The following NOS1 variants were observed in gnomAD, a reference collection of about 807,000 sequenced individuals.
NOS1 encodes NOS type I.
Under a neutral mutation model 164.5 loss-of-function variants are expected in NOS1, and 51 were observed. The ratio of observed to expected loss-of-function variants is 0.31; its 90% CI spans 0.25 to 0.39. The LOEUF (loss-of-function observed/expected upper bound fraction) is 0.39, where lower values mean the gene tolerates loss of function less well. NOS1 is among the 10% of genes least tolerant of loss of function. The probability of loss-of-function intolerance (pLI) is 1.00; values close to 1 mark genes in which losing one functional copy is unlikely to be tolerated. For synonymous variants in NOS1, 719 were observed against 745.8 expected (o/e 0.96, Z 0.59); for missense variants, 1,362 against 1,885.6 (o/e 0.72, Z 5.14).
intron 1 of NOS1, among the ~76,000 whole-genome samples, chr12:117,343,563 T>G (rs1178749259): frequency 6.6e-6 from 1 of 152,184 alleles, no homozygotes; most frequent in Non-Finnish European, 1.5e-5. Flanking sequence ...GAAACAGTAA[T>G]AACAACTAGT....
At position 117,209,921 on chromosome 12, in the gene NOS1, C is replaced by A. The variant is rs552181216; in HGVS notation, c.*5388G>T. The A allele has an allele frequency of 4.6e-5, 45 of 985,496 alleles. No homozygotes were observed. Among genetic ancestry groups the A allele is most frequent in the Admixed American group, 6.1e-5 (1 of 16,278 alleles). The allele number at this position is 985,496 out of a possible 1,614,324, so 61.0% of individuals were successfully genotyped here. A position where few individuals can be genotyped will look rare whatever the true frequency, so the allele number is the denominator to read the frequency against. ...ATGTTGACTCCCTGGGAGGCAGGCCCCTTCCCTCAGACCCTCAGACCTGTG... is the reference window on the plus strand; with the variant it reads ...ATGTTGACTCCCTGGGAGGCAGGCCACTTCCCTCAGACCCTCAGACCTGTG... On this transcript the variant is annotated 3_prime_UTR_variant, in exon 29 of 29. Transcript: ENST00000317775.
rs1029861467 is a variant in NOS1, at chr12:117,263,916, C to T, written c.2195G>A (p.Arg732Gln). 2 of 1,613,918 alleles carry T rather than the reference C, an allele frequency of 1.2e-6. No homozygotes were observed. The change falls in exon 13 of 29, where the codon CGA becomes CAA. Residue 732 changes from arginine to glutamine, a missense_variant. Around this residue, in one of 4 missense-constraint regions of NOS1, gnomAD observed 737 missense variants for 1,030.3 expected, o/e 0.72. Coordinates refer to ENST00000317775, the MANE Select transcript of NOS1 (RefSeq NM_000620.5). The part of the protein sequence containing the change: ...KGTNGTPTKR[R>Q]AIGFKKLAEA... ...TGCTAGCTTCTTGAAGCCAATGGCT[C>T]GCCGCTTTGTGGGGGTCCCGTTGGT...
Position 117,260,622 on chromosome 12 carries a change from G to A in NOS1, c.2223-13C>T. The A allele has an allele frequency of 6.2e-7, 1 of 1,604,762 alleles. No homozygotes were observed. Among genetic ancestry groups the A allele is most frequent in the South Asian group, 1.1e-5 (1 of 90,666 alleles). ...GAACTTGACAGCTCTGGAGGGAAGA[G>A]GATGGAGATGAAAAATGGGCAACAG... is the stretch of plus-strand genomic sequence containing the variant. On this transcript the variant is annotated splice_polypyrimidine_tract_variant and intron_variant, in intron 13 of 28. Transcript: ENST00000317775.
At position 117,209,659 on chromosome 12, in the gene NOS1, C is replaced by T. The variant is rs1031347852; in HGVS notation, c.*5650G>A. ...AAGGCATATTGACAGCTGACCACCT[C>T]CCTCGCACATGGCTTTGATAAGTAT... is the stretch of plus-strand genomic sequence containing the variant. On this transcript the variant is annotated 3_prime_UTR_variant, in exon 29 of 29. Coordinates refer to ENST00000317775, the MANE Select transcript of NOS1 (RefSeq NM_000620.5). The T allele has an allele frequency of 6.1e-6, 6 of 985,380 alleles. No homozygotes were observed. Among genetic ancestry groups the T allele is most frequent in the Non-Finnish European group, 7.2e-6 (6 of 829,966 alleles). The allele number at this position is 985,380 out of a possible 1,614,324, so 61.0% of individuals were successfully genotyped here.
At chr12:117,230,273 G>T (rs1409707741) in intron 22 of NOS1, among the ~76,000 whole-genome samples, 3 of 152,198 alleles carry the variant, frequency 2.0e-5, no homozygotes, top group Non-Finnish European at 4.4e-5. Flanking sequence ...TACAATCTAT[G>T]ATCCTTCTTC....
chr12:117,346,611 C>G (rs1199292903), intron 1 of NOS1, among the ~76,000 whole-genome samples: 1 of 152,176 alleles, frequency 6.6e-6, no homozygotes, highest in Non-Finnish European at 1.5e-5. Flanking sequence ...TGCACCAGCA[C>G]CAGCAGCATC....
At position 117,268,083 on chromosome 12, in the gene NOS1, G is replaced by A. The variant is rs1381285035; in HGVS notation, c.1901C>T (p.Ala634Val). Residue 634 changes from alanine (A) to valine (V), a missense_variant, in exon 11 of 29, where the codon GCG becomes GTG. Transcript: ENST00000317775. ...RKTSSLWKDQ[A>V]LVEINIAVLY... ...AACCGCGATATTGATCTCCACCAGC[G>A]CCTGGTCCTTCCACAGGGAGGACGT... The A allele has an allele frequency of 3.1e-6, 5 of 1,613,916 alleles. No homozygotes were observed. The highest frequency in any genetic ancestry group is 4.2e-6 in the Non-Finnish European group (5 of 1,179,948).
intron 18 of NOS1, among the ~76,000 whole-genome samples, chr12:117,245,083 T>C (rs1030063865): frequency 6.6e-6 from 1 of 152,146 alleles, no homozygotes; most frequent in Non-Finnish European, 1.5e-5. Flanking sequence ...CTGATGAACA[T>C]CGCCTCCCCA....
At chr12:117,274,769 C>CAAAAA (rs71099039) in intron 9 of NOS1, among the ~76,000 whole-genome samples, 1,219 of 66,462 alleles carry the variant, frequency 0.018, 2 homozygotes, top group Middle Eastern at 0.027. Context: ...CTCCGTCTCA[C>CAAAAA]AAAAAAAAAA....
chr12:117,270,372 C>G (rs1872705403), intron 10 of NOS1, among the ~76,000 whole-genome samples: 1 of 152,074 alleles, frequency 6.6e-6, no homozygotes. Context: ...AGAGACTACT[C>G]TTTGCAACTG....
intron 16 of NOS1, among the ~76,000 whole-genome samples, chr12:117,257,887 C>T (rs1871590086): frequency 6.6e-6 from 1 of 151,048 alleles, no homozygotes; most frequent in African/African-American, 2.4e-5. Context: ...TCACTGCAAC[C>T]TCCTCCTCCC....
intron 6 of NOS1, among the ~76,000 whole-genome samples, chr12:117,285,894 C>T (rs559227670): frequency 6.6e-6 from 1 of 152,228 alleles, no homozygotes; most frequent in South Asian, 2.1e-4. Context: ...TTCATTTTTG[C>T]AAAAGCACTG....
intron 16 of NOS1, among the ~76,000 whole-genome samples, chr12:117,256,510 T>G (rs1871467295): frequency 1.3e-5 from 2 of 151,380 alleles, no homozygotes; most frequent in Non-Finnish European, 1.5e-5. Context: ...ACTCCTGACC[T>G]TAGGTGATCC....
At chr12:117,353,505 T>C (rs1380267369) in intron 1 of NOS1, among the ~76,000 whole-genome samples, 1 of 152,252 alleles carries the variant, frequency 6.6e-6, no homozygotes, top group Non-Finnish European at 1.5e-5. Context: ...AACTATATAC[T>C]GTACTTGCAC....
intron 1 of NOS1, among the ~76,000 whole-genome samples, chr12:117,331,929 C>T (rs1457909298): frequency 6.6e-6 from 1 of 152,204 alleles, no homozygotes; most frequent in Non-Finnish European, 1.5e-5. Flanking sequence ...GCTCTCTGTT[C>T]CAGCCACTCC....
chr12:117,211,379 TGGTTGCAGCAATAACCCC>T lies in NOS1; in HGVS notation c.*3912_*3929del. The T allele has an allele frequency of 1.0e-6, 1 of 985,516 alleles. No homozygotes were observed. The highest frequency in any genetic ancestry group is 1.2e-6 in the Non-Finnish European group (1 of 830,046). 61.0% of individuals were successfully genotyped at this position (985,516 alleles called of 1,614,324 possible). On this transcript the variant is annotated 3_prime_UTR_variant, in exon 29 of 29. Coordinates refer to ENST00000317775, the MANE Select transcript of NOS1 (RefSeq NM_000620.5). The stretch of plus-strand genomic sequence containing the variant: ...TCCGCCTCTTCCCTCACTCAAGCCT[TGGTTGCAGCAATAACCCC>T]CCCAACAGCTCAACGGGCCATGCTC...
At chr12:117,265,180 T>A (rs1351311964) in intron 12 of NOS1, 136 bp downstream of exon 12, 1 of 637,724 alleles carries the variant, frequency 1.6e-6, no homozygotes, top group Non-Finnish European at 2.5e-6. Context: ...GCTAGACCTG[T>A]GCAATATGGT....
chr12:117,269,196 G>A lies in NOS1; in HGVS notation c.1840-1052C>T, dbSNP rs1434451600. Among the ~76,000 whole-genome samples, 6 of 152,254 alleles carry A rather than the reference G, an allele frequency of 3.9e-5. No individual in the cohort carries two copies. The South Asian group carries it at 1.0e-3, about 26-fold the overall frequency. On this transcript the variant is annotated intron_variant, in intron 10 of 28. Transcript: ENST00000317775. ...AGACAGCATGCAAGGTGAGCCCTAA[G>A]TGATGAGAAGAAGCCAGATATTCGC...
At chr12:117,278,231 T>C in intron 8 of NOS1, 133 bp from the exon 9 acceptor site, 1 of 990,088 alleles carries the variant, frequency 1.0e-6, no homozygotes, top group South Asian at 2.1e-5. Flanking sequence ...CTGGAGGCTC[T>C]TGGACCACAT....
Sources: gnomAD v4.1 joint callset for allele counts (sites outside exome capture counted in the v4.1 genomes callset) on GRCh38, gnomAD v4.1.1 for gene constraint, gnomAD v4.1.1 regional missense constraint, MANE v1.5 for transcripts, NCBI Gene and HGNC (gene_info 2026-07-23, HGNC 2026-07-21) for gene names.